PCDHGA8: variants seen among roughly 807,000 people sequenced by gnomAD.
PCDHGA8 encodes the protein protocadherin gamma subfamily A, 8.
PCDHGA8 carries 45 observed loss-of-function variants against 59.2 expected under a neutral mutation model. The ratio of observed to expected loss-of-function variants is 0.76; its 90% CI spans 0.60 to 0.98. The LOEUF is 0.98. Ranked by LOEUF, PCDHGA8 falls within the 50% of genes least tolerant of loss-of-function variation. The pLI, the probability that PCDHGA8 is intolerant of heterozygous loss-of-function variation, is 0.00. For missense variants in PCDHGA8, 1,257 were observed against 1,196.2 expected (o/e 1.05, Z -0.75); for synonymous variants, 531 against 519.0 (o/e 1.02, Z -0.32).
chr5:141,421,572 G>T, intron 1 of PCDHGA8: 1 of 1,613,954 alleles, frequency 6.2e-7, no homozygotes, highest in Admixed American at 1.7e-5. Flanking sequence ...AAGACACCTT[G>T]AAGATTTACG....
intron 1 of PCDHGA8, chr5:141,410,497 T>TG (rs1192894414): frequency 6.2e-7 from 1 of 1,613,998 alleles, no homozygotes; most frequent in South Asian, 1.1e-5. Flanking sequence ...AAGAGTTTAA[T>TG]TTCCTAAAAT....
intron 1 of PCDHGA8, chr5:141,424,083 C>T (rs2096798692): frequency 4.2e-6 from 4 of 957,190 alleles, no homozygotes; most frequent in Non-Finnish European, 5.1e-6. Flanking sequence ...TATATTCCAC[C>T]ATTATTTGCT....
At chr5:141,419,723 C>A in intron 1 of PCDHGA8, 6 of 1,613,292 alleles carry the variant, frequency 3.7e-6, no homozygotes, top group Non-Finnish European at 5.1e-6. Flanking sequence ...CCTGGGGCTG[C>A]GAACAGGCGA....
chr5:141,498,284 G>A (rs1339639509), intron 2 of PCDHGA8, among the ~76,000 whole-genome samples: 1 of 152,004 alleles, frequency 6.6e-6, no homozygotes, highest in Non-Finnish European at 1.5e-5. Flanking sequence ...CTTGGTTCAA[G>A]ATCAAGCCAG....
chr5:141,454,101 A>T (rs2098781558), intron 1 of PCDHGA8, among the ~76,000 whole-genome samples: 1 of 152,256 alleles, frequency 6.6e-6, no homozygotes. Flanking sequence ...ATTGAACATA[A>T]ATGGAGTTAT....
At chr5:141,403,491 T>A in intron 1 of PCDHGA8, 1 of 1,614,010 alleles carries the variant, frequency 6.2e-7, no homozygotes, top group South Asian at 1.1e-5. Context: ...CACTTCTCCC[T>A]GAACGTGCAG....
In PCDHGA8 at chr5:141,432,212, G is replaced by T. The variant is rs2097468822; in HGVS notation, c.2424+36975G>T. 8 of 1,614,184 alleles carry T rather than the reference G, an allele frequency of 5.0e-6. No homozygotes were observed. In the East Asian group the frequency reaches 1.3e-4, roughly 27 times the overall value. ...CCACGACCCCGACTGTGAAGAGAAC[G>T]CCCAGATCACTTATTCCCTGGCTGA... On this transcript the variant is annotated intron_variant, in intron 1 of 3. Transcript: ENST00000398604. The surrounding 1 kb of genome is among the most constrained non-coding windows in gnomAD (Gnocchi z 6.0).
At chr5:141,413,524 A>G (rs772774054) in intron 1 of PCDHGA8, 7 of 1,613,974 alleles carry the variant, frequency 4.3e-6, no homozygotes, top group Non-Finnish European at 5.9e-6. Flanking sequence ...TGTGGAAGAC[A>G]GGGTGAAACT....
chr5:141,510,291 A>AG (rs903726285), intron 3 of PCDHGA8, among the ~76,000 whole-genome samples: 1 of 150,450 alleles, frequency 6.6e-6, no homozygotes, highest in African/African-American at 2.4e-5. Context: ...AAAAAAAAAA[A>AG]TGCTGTTTTG....
At chr5:141,417,913 T>C in intron 1 of PCDHGA8, 1 of 1,601,944 alleles carries the variant, frequency 6.2e-7, no homozygotes, top group Admixed American at 1.8e-5. Context: ...AGGTACTATT[T>C]CCTTTGCTGC....
At chr5:141,449,148 T>C (rs570694341) in intron 1 of PCDHGA8, among the ~76,000 whole-genome samples, 20 of 152,268 alleles carry the variant, frequency 1.3e-4, no homozygotes, top group African/African-American at 4.8e-4. Flanking sequence ...AATTGCTGGG[T>C]CAAAGAGGAA....
In PCDHGA8 at chr5:141,403,920, A is replaced by T. The variant is rs1470961343; in HGVS notation, c.2424+8683A>T. 8.1e-6 allele frequency: 13 copies of T among 1,613,904 alleles called. No homozygotes were observed. Among genetic ancestry groups the T allele is most frequent in the Non-Finnish European group, 1.1e-5 (13 of 1,179,882 alleles). On this transcript the variant is annotated intron_variant, in intron 1 of 3. Transcript: ENST00000398604. ...TATGAAATGGAAATACAAGCTGAAG[A>T]TGGTGGGGGATTGAAAGGGTGGACA...
chr5:141,436,856 G>A (rs942357563), intron 1 of PCDHGA8, among the ~76,000 whole-genome samples: 2 of 152,246 alleles, frequency 1.3e-5, no homozygotes, highest in Admixed American at 1.3e-4. Context: ...TGATTGAGAA[G>A]CCACAGTTTT....
At chr5:141,404,601 T>G (rs2094545274) in intron 1 of PCDHGA8, 2 of 1,614,056 alleles carry the variant, frequency 1.2e-6, no homozygotes, top group Admixed American at 1.7e-5. Context: ...TCATTGAGAC[T>G]GTTTGTTTTG....
rs564582881 is a variant in PCDHGA8, at chr5:141,432,735, C to T, written c.2424+37498C>T. ...CAGCCCCCTCTCTCCGCCACTGTCA[C>T]GCTCACCGTGGCCGTGGCCGACAGC... On this transcript the variant is annotated intron_variant, in intron 1 of 3. Coordinates refer to ENST00000398604, the MANE Select transcript of PCDHGA8 (RefSeq NM_032088.2). This position sits in a 1 kb window ranked among gnomAD's most constrained non-coding sequence, Gnocchi z 6.0. 2 of 1,614,094 alleles carry T rather than the reference C, an allele frequency of 1.2e-6. No individual in the cohort carries two copies. The highest frequency in any genetic ancestry group is 1.1e-5 in the South Asian group (1 of 91,086).
Position 141,476,696 on chromosome 5 carries a change from G to T in PCDHGA8, c.2425-18111G>T, listed in dbSNP as rs750429892. ...GACGCGGGAGGACAGCACCAAGTAC[G>T]CGGAGCTGGTGTTGGAGCGCGCCCT... On this transcript the variant is annotated intron_variant, in intron 1 of 3. Transcript: ENST00000398604. This position sits in a 1 kb window ranked among gnomAD's most constrained non-coding sequence, Gnocchi z 7.6. 3 of 1,614,102 alleles carry T rather than the reference G, an allele frequency of 1.9e-6. No individual in the cohort carries two copies. The highest frequency in any genetic ancestry group is 2.5e-6 in the Non-Finnish European group (3 of 1,180,050).
At chr5:141,438,400 T>C (rs2154557880) in intron 1 of PCDHGA8, among the ~76,000 whole-genome samples, 1 of 151,918 alleles carries the variant, frequency 6.6e-6, no homozygotes, top group Non-Finnish European at 1.5e-5. Context: ...TCATTAACTC[T>C]CTGAAGTATT....
intron 1 of PCDHGA8, among the ~76,000 whole-genome samples, chr5:141,406,629 A>G (rs2094832755): frequency 6.6e-6 from 1 of 152,188 alleles, no homozygotes; most frequent in Non-Finnish European, 1.5e-5. Context: ...TCATATCTTC[A>G]AAGGTCTTAA....
Position 141,393,354 on chromosome 5 carries a change from G to A in PCDHGA8, c.541G>A (p.Asp181Asn), listed in dbSNP as rs781276983. The A allele has an allele frequency of 2.4e-5, 39 of 1,613,824 alleles. No homozygotes were observed. The East Asian group carries it at 4.5e-4, about 18-fold the overall frequency. ...QLSPNHHFSL[D>N]VQTGDNGAIN... ...CAGCCCCAATCACCACTTCTCCCTG[G>A]ACGTGCAGACTGGAGACAATGGAGC... Residue 181 changes from aspartate (D) to asparagine (N), a missense_variant, in exon 1 of 4, where the codon GAC (aspartate) becomes AAC (asparagine). Coordinates refer to ENST00000398604, the MANE Select transcript of PCDHGA8 (RefSeq NM_032088.2).
Sources: gnomAD v4.1 joint callset for allele counts (sites outside exome capture counted in the v4.1 genomes callset) on GRCh38, gnomAD v4.1.1 for gene constraint, Gnocchi (gnomAD v3.1) non-coding constraint, MANE v1.5 for transcripts, NCBI Gene and HGNC (gene_info 2026-07-23, HGNC 2026-07-21) for gene names.